CSMD3: variants seen among roughly 807,000 people sequenced by gnomAD.
The protein encoded by CSMD3 is CUB and Sushi multiple domains 3, also known as CUB and sushi domain-containing protein 3.
A neutral mutation model predicts 435.2 loss-of-function variants in CSMD3; 177 were observed. The ratio of observed to expected loss-of-function variants is 0.41; its 90% CI spans 0.36 to 0.46. The LOEUF (loss-of-function observed/expected upper bound fraction) is 0.46. CSMD3 is among the 20% of genes least tolerant of loss of function. The pLI, the probability that CSMD3 is intolerant of heterozygous loss-of-function variation, is 0.34. For missense variants in CSMD3, 4,265 were observed against 4,504.6 expected, an observed-to-expected ratio of 0.95 and a Z score of 1.52; for synonymous variants, 1,656 against 1,520.5, an observed-to-expected ratio of 1.09 and a Z score of -2.07.
chr8:112,758,345 C>A (rs2077753497), intron 13 of CSMD3, among the ~76,000 whole-genome samples: 1 of 74,630 alleles, frequency 1.3e-5, no homozygotes, highest in Non-Finnish European at 2.5e-5. Context: ...AAGCGAGACT[C>A]CATTTCAAAA....
chr8:112,907,145 A>G (rs1403995428), intron 10 of CSMD3, among the ~76,000 whole-genome samples: 1 of 151,476 alleles, frequency 6.6e-6, no homozygotes, highest in Non-Finnish European at 1.5e-5. Context: ...TTCTTTAGAC[A>G]AAATCCATAA....
At chr8:112,487,481 A>C (rs532486104) in intron 31 of CSMD3, among the ~76,000 whole-genome samples, 3 of 152,304 alleles carry the variant, frequency 2.0e-5, no homozygotes, top group African/African-American at 7.2e-5. Flanking sequence ...AACAATAAAG[A>C]GGTCAGGGTG....
intron 65 of CSMD3, among the ~76,000 whole-genome samples, chr8:112,242,711 T>C (rs1426305319): frequency 2.0e-5 from 3 of 152,102 alleles, no homozygotes; most frequent in African/African-American, 4.8e-5. Context: ...AAGAAATGTA[T>C]GAGTTTAGTT....
intron 27 of CSMD3, among the ~76,000 whole-genome samples, chr8:112,545,312 T>C (rs1827054560): frequency 6.6e-6 from 1 of 151,358 alleles, no homozygotes; most frequent in African/African-American, 2.4e-5. Flanking sequence ...TGAAACCCCG[T>C]CTCTACTAAA....
intron 15 of CSMD3, among the ~76,000 whole-genome samples, chr8:112,684,901 C>T (rs2075978132): frequency 6.6e-6 from 1 of 152,112 alleles, no homozygotes; most frequent in Admixed American, 6.5e-5. Context: ...AAACCTAAAA[C>T]AAGGCTAAGA....
At chr8:113,194,033 T>C (rs1281757790) in intron 3 of CSMD3, among the ~76,000 whole-genome samples, 1 of 151,308 alleles carries the variant, frequency 6.6e-6, no homozygotes, top group Non-Finnish European at 1.5e-5. Context: ...TTAATTTCCA[T>C]AAATGGAAAA....
At chr8:112,864,410 G>C (rs1040897449) in intron 10 of CSMD3, among the ~76,000 whole-genome samples, 7 of 151,642 alleles carry the variant, frequency 4.6e-5, no homozygotes, top group Non-Finnish European at 7.4e-5. Context: ...CACCATGCCC[G>C]GTTCATTTTT....
At chr8:112,899,652 C>T (rs1347449935) in intron 10 of CSMD3, among the ~76,000 whole-genome samples, 9 of 75,490 alleles carry the variant, frequency 1.2e-4, no homozygotes, top group East Asian at 3.7e-4. Flanking sequence ...TATATGTGTA[C>T]GCAAATACAT....
chr8:112,238,045 A>C (rs1308170964), intron 66 of CSMD3, among the ~76,000 whole-genome samples: 1 of 152,118 alleles, frequency 6.6e-6, no homozygotes, highest in Admixed American at 6.6e-5. Context: ...TTTAGATACT[A>C]GCCAAAAAGA....
intron 13 of CSMD3, among the ~76,000 whole-genome samples, chr8:112,694,671 A>G (rs776815954): frequency 8.5e-5 from 13 of 152,094 alleles, no homozygotes; most frequent in Non-Finnish European, 8.8e-5. Context: ...TTTTTTTCCT[A>G]TGCAGTAGTG....
intron 28 of CSMD3, among the ~76,000 whole-genome samples, chr8:112,515,152 G>C (rs1467611583): frequency 6.6e-6 from 1 of 151,810 alleles, no homozygotes; most frequent in Non-Finnish European, 1.5e-5. Flanking sequence ...TTGCACCTTG[G>C]ATTTTAGTGT....
intron 4 of CSMD3, among the ~76,000 whole-genome samples, chr8:113,130,350 G>A (rs1172435451): frequency 6.6e-6 from 1 of 152,044 alleles, no homozygotes; most frequent in Non-Finnish European, 1.5e-5. Context: ...TTGGATCATG[G>A]GGAGGAATTT....
chr8:113,395,464 C>A (rs1563779047), intron 1 of CSMD3, among the ~76,000 whole-genome samples: 1 of 151,880 alleles, frequency 6.6e-6, no homozygotes, highest in Non-Finnish European at 1.5e-5. Flanking sequence ...AAAAAATTAG[C>A]GGGGCGTGGT....
chr8:113,431,106 T>C (rs576432401), intron 1 of CSMD3, among the ~76,000 whole-genome samples: 4 of 152,288 alleles, frequency 2.6e-5, no homozygotes, highest in African/African-American at 9.6e-5. Context: ...GAGAAAACCT[T>C]GCAGGCATGG....
chr8:112,915,755 A>G (rs1006322207), intron 10 of CSMD3, among the ~76,000 whole-genome samples: 4 of 151,806 alleles, frequency 2.6e-5, no homozygotes, highest in Non-Finnish European at 5.9e-5. Flanking sequence ...CAAATTTGAA[A>G]CCTGTCTTTT....
intron 1 of CSMD3, among the ~76,000 whole-genome samples, chr8:113,352,645 G>A (rs2132922903): frequency 6.6e-6 from 1 of 152,224 alleles, no homozygotes; most frequent in South Asian, 2.1e-4. Context: ...TTTAGGAGAT[G>A]ACATTTTAAG....
chr8:112,820,266 C>A (rs1011871752), intron 12 of CSMD3, among the ~76,000 whole-genome samples: 4 of 151,654 alleles, frequency 2.6e-5, no homozygotes, highest in African/African-American at 9.7e-5. Context: ...TGGATTAAAC[C>A]CTATGAGAAG....
chr8:113,119,514 T>C (rs556058935), intron 4 of CSMD3, among the ~76,000 whole-genome samples: 12 of 152,090 alleles, frequency 7.9e-5, no homozygotes, highest in African/African-American at 2.9e-4. Context: ...GTTAAAAACA[T>C]AGAAAGAAAG....
chr8:112,792,797 C>A (rs1015352142), intron 13 of CSMD3, among the ~76,000 whole-genome samples: 4 of 151,940 alleles, frequency 2.6e-5, no homozygotes, highest in African/African-American at 9.7e-5. Context: ...AAATATGTAT[C>A]TTTTCTGATT....
Sources: allele counts gnomAD v4.1 joint callset (sites outside exome capture counted in the v4.1 genomes callset), GRCh38; gene constraint gnomAD v4.1.1; transcripts MANE v1.5; gene names NCBI Gene and HGNC (gene_info 2026-07-23, HGNC 2026-07-21).